The following ZNF519 variants were observed in gnomAD, a reference collection of about 807,000 sequenced individuals.
The protein encoded by ZNF519 is similar to Zinc finger protein 85 (Zinc finger protein HPF4) (HTF1).
ZNF519 carries 7 observed loss-of-function variants against 7.4 expected under a neutral mutation model. The ratio of observed to expected loss-of-function variants is 0.94; its 90% CI spans 0.54 to 1.77. The LOEUF (loss-of-function observed/expected upper bound fraction) is 1.77, where lower values mean the gene tolerates loss of function less well. Ranked by LOEUF, ZNF519 falls within the 40% of genes most tolerant of loss-of-function variation. The pLI is 0.00. For synonymous variants in ZNF519, 179 were observed against 203.3 expected (o/e 0.88, Z 1.02); for missense variants, 586 against 623.1 (o/e 0.94, Z 0.63).
intron 2 of ZNF519, among the ~76,000 whole-genome samples, chr18:14,087,339 C>A (rs1478693918): frequency 6.6e-6 from 1 of 152,096 alleles, no homozygotes; most frequent in Non-Finnish European, 1.5e-5. Flanking sequence ...CCTAGCCAGA[C>A]CAATCAGGTA....
intron 2 of ZNF519, among the ~76,000 whole-genome samples, chr18:14,119,806 C>T (rs1312618027): frequency 6.6e-6 from 1 of 151,088 alleles, no homozygotes; most frequent in Non-Finnish European, 1.5e-5. Flanking sequence ...AAACTTTCCA[C>T]AAAAAAAGAA....
downstream of ZNF519, among the ~76,000 whole-genome samples, chr18:14,098,928 T>C (rs955733900): frequency 6.6e-6 from 1 of 152,182 alleles, no homozygotes; most frequent in Non-Finnish European, 1.5e-5. Context: ...TCTGCCTCTA[T>C]TGGTCTCCAA....
At chr18:14,094,079 C>T (rs956714181) in intron 2 of ZNF519, among the ~76,000 whole-genome samples, 4 of 152,158 alleles carry the variant, frequency 2.6e-5, no homozygotes, top group Non-Finnish European at 1.5e-5. Context: ...GTTTCTTCTC[C>T]ATCTTTCATG....
At chr18:14,098,860 G>C (rs570257094), downstream of ZNF519, among the ~76,000 whole-genome samples, 1 of 152,286 alleles carries the variant, frequency 6.6e-6, no homozygotes, top group African/African-American at 2.4e-5. Context: ...ATGTGCATCT[G>C]AAATCTTTAT....
chr18:14,113,450 C>T (rs2046231573), intron 2 of ZNF519, among the ~76,000 whole-genome samples: 2 of 152,230 alleles, frequency 1.3e-5, no homozygotes, highest in East Asian at 3.8e-4. Context: ...CTTACACATA[C>T]TGAAGTCTCA....
rs1395965001 is a variant in ZNF519 at position 14,101,015 on chromosome 18, T to A, written c.*3902A>T. 6.6e-6 allele frequency: 1 copy of A among 152,282 alleles called. No individual in the cohort carries two copies. The highest frequency in any genetic ancestry group is 1.9e-4 in the East Asian group (1 of 5,200). The allele number at this position is 152,282 out of a possible 1,614,324, so 9.4% of individuals were successfully genotyped here. A position where few individuals can be genotyped will look rare whatever the true frequency, so the allele number is the denominator to read the frequency against. On this transcript the variant is annotated 3_prime_UTR_variant, in exon 3 of 3. Coordinates refer to ENST00000590202, the MANE Select transcript of ZNF519 (RefSeq NM_145287.4). ...AGTTCTTGAAACAATCATATCATGT[T>A]AGGCTTCTTAGAACCCCAGTTCCAA... is the stretch of plus-strand genomic sequence containing the variant.
At chr18:14,112,166 T>C (rs1365618791) in intron 2 of ZNF519, among the ~76,000 whole-genome samples, 2 of 152,146 alleles carry the variant, frequency 1.3e-5, no homozygotes, top group Non-Finnish European at 2.9e-5. Flanking sequence ...GATGCAAAGA[T>C]ACTTCAACAT....
At chr18:14,083,515 G>A (rs1323755636) in intron 3 of ZNF519, among the ~76,000 whole-genome samples, 2 of 152,120 alleles carry the variant, frequency 1.3e-5, no homozygotes, top group South Asian at 2.1e-4. Flanking sequence ...TTTTTGAAAA[G>A]CAATTATGAA....
chr18:14,072,877 G>T (rs557386808), downstream of ZNF519: 2 of 152,128 alleles, frequency 1.3e-5, no homozygotes, highest in African/African-American at 4.8e-5. Context: ...GGGTGGAAAC[G>T]ACATTTACCT....
Position 14,104,767 on chromosome 18 carries a change from T to C in ZNF519, c.*150A>G. The stretch of plus-strand genomic sequence containing the variant: ...GCTAGCACCTTAGTTCTTTCTAAAG[T>C]GACACTTCTAATTTTTATTTAATCT... On this transcript the variant is annotated 3_prime_UTR_variant, in exon 3 of 3. Coordinates refer to ENST00000590202, the MANE Select transcript of ZNF519 (RefSeq NM_145287.4). 1.2e-6 allele frequency: 1 copy of C among 850,708 alleles called. No individual in the cohort carries two copies. Among genetic ancestry groups the C allele is most frequent in the Non-Finnish European group, 1.7e-6 (1 of 596,900 alleles). The allele number at this position is 850,708 out of a possible 1,614,324, so 52.7% of individuals were successfully genotyped here. A position where few individuals can be genotyped will look rare whatever the true frequency, so the allele number is the denominator to read the frequency against.
rs2046335270 is a variant in ZNF519 at position 14,132,346 on chromosome 18, C to A, written c.-69G>T. On this transcript the variant is annotated 5_prime_UTR_variant, in exon 1 of 3. Transcript: ENST00000590202. ...TCAATGCCAGCAGGTCACAGAGCGA[C>A]GGAGTGAGTGGCAGAATCACCGAAG... 14 of 1,587,478 alleles carry A rather than the reference C, an allele frequency of 8.8e-6. No individual in the cohort carries two copies. The highest frequency in any genetic ancestry group is 1.2e-5 in the Non-Finnish European group (14 of 1,157,266).
intron 3 of ZNF519, among the ~76,000 whole-genome samples, chr18:14,081,253 TG>T (rs2046069768): frequency 6.6e-6 from 1 of 152,036 alleles, no homozygotes; most frequent in South Asian, 2.1e-4. Context: ...TATGCATGTA[TG>T]GGGGTGTCAA....
chr18:14,105,379 T>C lies in ZNF519; in HGVS notation c.1161A>G (p.Arg387=), dbSNP rs1389537826. 1 of 1,612,126 alleles carries C rather than the reference T, an allele frequency of 6.2e-7. No individual in the cohort carries two copies. The highest frequency in any genetic ancestry group is 1.1e-5 in the South Asian group (1 of 91,002). ...RCKECGKAFN[R]SSYVTQHQRM... ...TCTGATGCTGAGTAACGTATGAGCT[T>C]CTATTAAAGGCTTTGCCACATTCCT... The change falls in exon 3 of 3, where the codon AGA becomes AGG. Residue 387 remains arginine (R), a synonymous_variant. Coordinates refer to ENST00000590202, the MANE Select transcript of ZNF519 (RefSeq NM_145287.4).
chr18:14,118,661 G>A (rs1331844895), intron 2 of ZNF519, among the ~76,000 whole-genome samples: 1 of 152,136 alleles, frequency 6.6e-6, no homozygotes, highest in East Asian at 1.9e-4. Context: ...ACAAGGAAAT[G>A]GCGCACCGAA....
intron 2 of ZNF519, among the ~76,000 whole-genome samples, chr18:14,087,434 G>C (rs1191530995): frequency 1.3e-5 from 2 of 152,176 alleles, no homozygotes; most frequent in African/African-American, 4.8e-5. Context: ...TGGTGAATGT[G>C]AAAATTTTAT....
intron 2 of ZNF519, among the ~76,000 whole-genome samples, chr18:14,116,710 A>G (rs533176627): frequency 6.6e-6 from 1 of 152,320 alleles, no homozygotes; most frequent in African/African-American, 2.4e-5. Flanking sequence ...CAATTTTTGG[A>G]GGAAAATATA....
At chr18:14,111,079 GAAGAA>G (rs1473336943) in intron 2 of ZNF519, among the ~76,000 whole-genome samples, 5 of 121,724 alleles carry the variant, frequency 4.1e-5, no homozygotes, top group African/African-American at 1.6e-4. Flanking sequence ...GCCAAAATTA[GAAGAA>G]AAGAAATAAT....
chr18:14,124,752 T>A (rs1337424960), intron 1 of ZNF519, among the ~76,000 whole-genome samples: 1 of 151,946 alleles, frequency 6.6e-6, no homozygotes, highest in Non-Finnish European at 1.5e-5. Flanking sequence ...ACGGGTGAAC[T>A]CACCTCTCAT....
In ZNF519 at chr18:14,105,530, T is replaced by C; in HGVS notation, c.1010A>G (p.Gln337Arg). 1.2e-6 allele frequency: 2 copies of C among 1,614,082 alleles called. No individual in the cohort carries two copies. Among genetic ancestry groups the C allele is most frequent in the Non-Finnish European group, 1.7e-6 (2 of 1,180,012 alleles). ...KAFNRGSYLT[Q>R]HQRIHTGERA... ...CTCTCCAGTATGGATTCTCTGATGT[T>C]GAGTAAGGTATGAGCCTCTGTTAAA... is the stretch of plus-strand genomic sequence containing the variant. The change falls in exon 3 of 3, where the codon CAA becomes CGA. Residue 337 changes from glutamine (Q) to arginine (R), a missense_variant. Coordinates refer to ENST00000590202, the MANE Select transcript of ZNF519 (RefSeq NM_145287.4).
Sources: allele counts gnomAD v4.1 joint callset (sites outside exome capture counted in the v4.1 genomes callset), GRCh38; gene constraint gnomAD v4.1.1; transcripts MANE v1.5; gene names NCBI Gene and HGNC (gene_info 2026-07-23, HGNC 2026-07-21).